HDAC9: variants seen among roughly 807,000 people sequenced by gnomAD.
HDAC9 encodes the protein MEF-2 interacting transcription repressor (MITR) protein.
In HDAC9, 41 loss-of-function variants were observed where a neutral mutation model predicts 139.4. The observed-to-expected ratio is 0.29, with a 90% CI of 0.23 to 0.38. The LOEUF (loss-of-function observed/expected upper bound fraction) is 0.38. HDAC9 is among the 10% of genes least tolerant of loss of function. The pLI is 1.00. For missense variants in HDAC9, 1,147 were observed against 1,297.0 expected, an observed-to-expected ratio of 0.88 and a Z score of 1.78; for synonymous variants, 517 against 476.2, an observed-to-expected ratio of 1.09 and a Z score of -1.12.
chr7:18,323,806 C>T (rs1474230144), intron 1 of HDAC9, among the ~76,000 whole-genome samples: 1 of 152,116 alleles, frequency 6.6e-6, no homozygotes, highest in Non-Finnish European at 1.5e-5. Context: ...GTAACAAAAA[C>T]ACCATAGACC....
chr7:18,897,823 A>C (rs77028630), intron 22 of HDAC9, among the ~76,000 whole-genome samples: 1 of 151,614 alleles, frequency 6.6e-6, no homozygotes, highest in East Asian at 1.9e-4. Context: ...TACTTAAAAA[A>C]AAAAAAAAAA....
At chr7:18,948,254 G>A (rs745513279) in intron 23 of HDAC9, among the ~76,000 whole-genome samples, 23 of 151,776 alleles carry the variant, frequency 1.5e-4, no homozygotes, top group Non-Finnish European at 2.4e-4. Context: ...TATCAGTATT[G>A]GAGAAAAATA....
intron 6 of HDAC9, among the ~76,000 whole-genome samples, chr7:18,624,843 A>G (rs764912535): frequency 3.3e-5 from 5 of 151,942 alleles, no homozygotes; most frequent in African/African-American, 4.8e-5. Flanking sequence ...ATAGTTATCT[A>G]TCATCTCATC....
chr7:18,891,895 A>C (rs373917108), intron 22 of HDAC9, among the ~76,000 whole-genome samples: 1 of 152,178 alleles, frequency 6.6e-6, no homozygotes, highest in African/African-American at 2.4e-5. Context: ...GGGGTGATCT[A>C]TTTGATTAGA....
At chr7:18,540,949 A>G (rs939701745) in intron 2 of HDAC9, among the ~76,000 whole-genome samples, 4 of 152,116 alleles carry the variant, frequency 2.6e-5, no homozygotes, top group Admixed American at 1.3e-4. Context: ...TTATAGATAA[A>G]GAAACTGACA....
At chr7:18,979,357 C>A (rs1411670810) in intron 25 of HDAC9, among the ~76,000 whole-genome samples, 1 of 152,080 alleles carries the variant, frequency 6.6e-6, no homozygotes, top group African/African-American at 2.4e-5. Flanking sequence ...ACATTCATAT[C>A]TAATGTACTT....
At chr7:18,385,146 C>T (rs1279007328) in intron 1 of HDAC9, among the ~76,000 whole-genome samples, 2 of 152,054 alleles carry the variant, frequency 1.3e-5, no homozygotes, top group Admixed American at 1.3e-4. Flanking sequence ...TATAGACATT[C>T]GAGAACCCTT....
chr7:18,973,274 C>A (rs2129336140), intron 24 of HDAC9, among the ~76,000 whole-genome samples: 1 of 152,226 alleles, frequency 6.6e-6, no homozygotes, highest in African/African-American at 2.4e-5. Flanking sequence ...AAGCCACTAG[C>A]CACATGTAGT....
intron 12 of HDAC9, among the ~76,000 whole-genome samples, chr7:18,695,617 C>G (rs545770870): frequency 3.2e-4 from 48 of 152,244 alleles, no homozygotes; most frequent in African/African-American, 1.1e-3. Flanking sequence ...GTTAGAGATA[C>G]AGGATTTAGT....
intron 9 of HDAC9, among the ~76,000 whole-genome samples, chr7:18,647,231 T>C (rs1481186521): frequency 1.3e-5 from 2 of 152,174 alleles, no homozygotes; most frequent in Non-Finnish European, 2.9e-5. Flanking sequence ...AAATGTACTT[T>C]CCACTTATTA....
In HDAC9 at chr7:18,888,665, C is replaced by A. The variant is rs1053241307; in HGVS notation, c.2803+14069C>A. Among the ~76,000 whole-genome samples the A allele has an allele frequency of 2.0e-5, 3 of 151,846 alleles. No individual in the cohort carries two copies. The East Asian group carries it at 5.8e-4, about 30-fold the overall frequency. ...TTGTGTGGATCTAGCCAGATTAAAA[C>A]TATTATTTCTCTCCTCCTATCATCT... On this transcript the variant is annotated intron_variant, in intron 22 of 25. Coordinates refer to ENST00000686413, the MANE Select transcript of HDAC9 (RefSeq NM_178425.4).
At chr7:18,462,637 A>C (rs888967782) in intron 1 of HDAC9, among the ~76,000 whole-genome samples, 1 of 151,942 alleles carries the variant, frequency 6.6e-6, no homozygotes, top group Admixed American at 6.6e-5. Flanking sequence ...TATTGTATAT[A>C]TTCTTTTGTG....
chr7:18,955,935 T>G (rs1449246896), intron 24 of HDAC9, among the ~76,000 whole-genome samples: 2 of 152,158 alleles, frequency 1.3e-5, no homozygotes, highest in African/African-American at 4.8e-5. Flanking sequence ...AAGGCGTAAT[T>G]TCTGTACATC....
intron 12 of HDAC9, chr7:18,667,745 G>A (rs910610965): frequency 2.0e-6 from 2 of 984,308 alleles, no homozygotes; most frequent in Non-Finnish European, 2.4e-6. Flanking sequence ...TTTTTAAAGG[G>A]CACTCTATGA....
chr7:18,338,582 T>C (rs569403733), intron 1 of HDAC9, among the ~76,000 whole-genome samples: 1 of 151,754 alleles, frequency 6.6e-6, no homozygotes, highest in South Asian at 2.1e-4. Context: ...TTTATTCTAT[T>C]AATATGGCAT....
chr7:18,187,643 A>G (rs1476527237), intron 2 of HDAC9, among the ~76,000 whole-genome samples: 2 of 152,134 alleles, frequency 1.3e-5, no homozygotes, highest in African/African-American at 2.4e-5. Context: ...TGCTGCTACT[A>G]TTCTACTAGA....
Position 18,629,427 on chromosome 7 carries a change from C to A in HDAC9, c.742C>A (p.Arg248=). ...AERRSSPLLR[R]KDGNVVTSFK... is the part of the protein sequence containing the mutation. ...GAGGAGAAGCAGCCCCTTACTCAGG[C>A]GGAAGGATGGAAATGTTGTCACTTC... The change falls in exon 7 of 26, where the codon CGG becomes AGG. Residue 248 remains arginine, a synonymous_variant. Transcript: ENST00000686413. 1 of 1,610,620 alleles carries A rather than the reference C, an allele frequency of 6.2e-7. No individual in the cohort carries two copies. Among genetic ancestry groups the A allele is most frequent in the Non-Finnish European group, 8.5e-7 (1 of 1,178,640 alleles).
At chr7:18,632,248 A>T (rs2128984061) in intron 7 of HDAC9, among the ~76,000 whole-genome samples, 1 of 152,162 alleles carries the variant, frequency 6.6e-6, no homozygotes, top group Non-Finnish European at 1.5e-5. Flanking sequence ...ATAGACAGAA[A>T]GGCAGTGAGC....
chr7:18,772,289 C>T (rs184702374), intron 16 of HDAC9, among the ~76,000 whole-genome samples: 54 of 152,064 alleles, frequency 3.6e-4, no homozygotes, highest in African/African-American at 1.3e-3. Flanking sequence ...GACAATTGCA[C>T]CAAGCTGTTG....
Sources: gnomAD v4.1 joint callset for allele counts (sites outside exome capture counted in the v4.1 genomes callset) on GRCh38, gnomAD v4.1.1 for gene constraint, MANE v1.5 for transcripts, NCBI Gene and HGNC (gene_info 2026-07-23, HGNC 2026-07-21) for gene names.